Variants in MTR observed in about 807,000 individuals in gnomAD.
The protein encoded by MTR is 5-methyltetrahydrofolate-homocysteine methyltransferase.
A neutral mutation model predicts 154.8 loss-of-function variants in MTR; 84 were observed. The ratio of observed to expected loss-of-function variants is 0.54; its 90% CI spans 0.45 to 0.65. MTR has a LOEUF of 0.65. MTR is among the 30% of genes least tolerant of loss of function. The pLI is 0.00. For synonymous variants in MTR, 554 were observed against 553.9 expected (o/e 1.00, Z 0.00); for missense variants, 1,275 against 1,570.2 (o/e 0.81, Z 3.18).
rs535713322 is a variant in MTR at position 236,903,758 on chromosome 1, T to C, written c.*6114T>C. 1 of 152,186 alleles carries C rather than the reference T, an allele frequency of 6.6e-6. No homozygotes were observed. Among genetic ancestry groups the C allele is most frequent in the Non-Finnish European group, 1.5e-5 (1 of 68,036 alleles). The allele number at this position is 152,186 out of a possible 1,614,324, so 9.4% of individuals were successfully genotyped here. ...GAAGGAACTCTGAACTCTCACAATC[T>C]TGTTTCTTCATTTCCCAGAGAGAAA... On this transcript the variant is annotated 3_prime_UTR_variant, in exon 33 of 33. Coordinates refer to ENST00000366577, the MANE Select transcript of MTR (RefSeq NM_000254.3).
intron 25 of MTR, among the ~76,000 whole-genome samples, chr1:236,881,235 C>T (rs1027665284): frequency 1.3e-5 from 2 of 152,146 alleles, no homozygotes; most frequent in African/African-American, 4.8e-5. Context: ...GTTGACCCTA[C>T]CCAAAGACAG....
intron 2 of MTR, 83 bp from the exon 3 acceptor site, chr1:236,806,061 T>C (rs2103023494): frequency 9.1e-7 from 1 of 1,098,214 alleles, no homozygotes; most frequent in South Asian, 1.3e-5. Flanking sequence ...CTGCTGATAA[T>C]GGTGGTAATG....
chr1:236,823,794 A>ACCTTTT (rs1662114539), intron 8 of MTR, among the ~76,000 whole-genome samples: 1 of 23,388 alleles, frequency 4.3e-5, no homozygotes, highest in African/African-American at 1.7e-4. Flanking sequence ...TTCAGGTCAG[A>ACCTTTT]TCTTTTTTTT....
In MTR at chr1:236,848,817, C is replaced by T. The variant is rs142820243; in HGVS notation, c.1516-1527C>T. 5.8e-4 allele frequency among the ~76,000 whole-genome samples: 89 copies of T among 152,250 alleles called. 2 individuals carry two copies. Among genetic ancestry groups the T allele is most frequent in the African/African-American group, 2.1e-3 (87 of 41,554 alleles). On this transcript the variant is annotated intron_variant, in intron 15 of 32. Transcript: ENST00000366577. ...CAAAGAAAACAGTTGAAAAAGAATA[C>T]CAAAGTAGTAAGTGATCAAAAGGCT... is the stretch of plus-strand genomic sequence containing the variant.
At position 236,903,176 on chromosome 1, in the gene MTR, G is replaced by A. The variant is rs1666995759; in HGVS notation, c.*5532G>A. 1 of 152,204 alleles carries A rather than the reference G, an allele frequency of 6.6e-6. No individual in the cohort carries two copies. The highest frequency in any genetic ancestry group is 2.4e-5 in the African/African-American group (1 of 41,458). 9.4% of individuals were successfully genotyped at this position (152,204 alleles called of 1,614,324 possible). A position where few individuals can be genotyped will look rare whatever the true frequency, so the allele number is the denominator to read the frequency against. ...TAAGAGGATACACAGAAATTTTTAA[G>A]TGGTTACCTCCACGGAATGGGATTA... is the stretch of plus-strand genomic sequence containing the variant. On this transcript the variant is annotated 3_prime_UTR_variant, in exon 33 of 33. Transcript: ENST00000366577.
At chr1:236,893,850 C>T (rs1666469891) in intron 29 of MTR, among the ~76,000 whole-genome samples, 1 of 152,146 alleles carries the variant, frequency 6.6e-6, no homozygotes, top group African/African-American at 2.4e-5. Flanking sequence ...GACCCCACCC[C>T]ACATGGCAGG....
intron 15 of MTR, among the ~76,000 whole-genome samples, chr1:236,848,175 TC>T (rs1439330377): frequency 6.6e-6 from 1 of 152,100 alleles, no homozygotes; most frequent in Non-Finnish European, 1.5e-5. Flanking sequence ...AGAAATGAAT[TC>T]CTGTCCTGTG....
rs2147969543 is a variant in MTR, at chr1:236,898,630, G to A, written c.*986G>A. On this transcript the variant is annotated 3_prime_UTR_variant, in exon 33 of 33. Coordinates refer to ENST00000366577, the MANE Select transcript of MTR (RefSeq NM_000254.3). ...GGATTTCACTGTGTTAGCCAGGATG[G>A]TCTTGATCTCCCGACCTCGTGATCT... 6.6e-6 allele frequency: 1 copy of A among 152,178 alleles called. No individual in the cohort carries two copies. Among genetic ancestry groups the A allele is most frequent in the Non-Finnish European group, 1.5e-5 (1 of 68,030 alleles). 9.4% of individuals were successfully genotyped at this position (152,178 alleles called of 1,614,324 possible).
At chr1:236,861,426 G>A in intron 20 of MTR, 149 bp downstream of exon 20, 1 of 1,223,184 alleles carries the variant, frequency 8.2e-7, no homozygotes, top group South Asian at 1.3e-5. Flanking sequence ...ATGTTTAGGA[G>A]TCATGTCTGC....
Position 236,900,235 on chromosome 1 carries a change from G to T in MTR, c.*2591G>T. ...ATTCTACGGGATATTATTCAGTAGT[G>T]GAAATGAGTGAACTACAGCTATACC... On this transcript the variant is annotated 3_prime_UTR_variant, in exon 33 of 33. Transcript: ENST00000366577. 3.2e-6 allele frequency: 1 copy of T among 314,826 alleles called. No homozygotes were observed. 19.5% of individuals were successfully genotyped at this position (314,826 alleles called of 1,614,324 possible). A position where few individuals can be genotyped will look rare whatever the true frequency, so the allele number is the denominator to read the frequency against.
chr1:236,809,573 C>T (rs1417289525), intron 4 of MTR, among the ~76,000 whole-genome samples: 1 of 152,188 alleles, frequency 6.6e-6, no homozygotes, highest in African/African-American at 2.4e-5. Flanking sequence ...GACTATTACT[C>T]CAACAGAGTC....
intron 18 of MTR, among the ~76,000 whole-genome samples, chr1:236,858,636 G>A (rs1572276065): frequency 1.3e-5 from 2 of 152,202 alleles, no homozygotes; most frequent in East Asian, 1.9e-4. Context: ...ATGATTCTGG[G>A]CTGTGGAGAC....
intron 28 of MTR, 89 bp downstream of exon 28, chr1:236,889,425 A>T: frequency 1.3e-6 from 2 of 1,560,734 alleles, no homozygotes; most frequent in South Asian, 2.2e-5. Flanking sequence ...GGAGCAGTGG[A>T]TTTGGATTGT....
chr1:236,846,519 T>C (rs1433323901), intron 15 of MTR, among the ~76,000 whole-genome samples: 1 of 152,244 alleles, frequency 6.6e-6, no homozygotes, highest in East Asian at 1.9e-4. Context: ...TTTCTAATTA[T>C]GGAGAACCAT....
At chr1:236,843,893 A>G (rs1663409064) in intron 15 of MTR, among the ~76,000 whole-genome samples, 1 of 152,160 alleles carries the variant, frequency 6.6e-6, no homozygotes, top group Admixed American at 6.5e-5. Flanking sequence ...GGGTATGTCG[A>G]GTGTGCAGTT....
chr1:236,878,618 C>A (rs3768144), intron 24 of MTR, among the ~76,000 whole-genome samples: 103,859 of 151,028 alleles, frequency 0.69, 36,165 homozygotes, highest in East Asian at 0.82. Context: ...TGAACTGAAA[C>A]AAAAAAAATC....
chr1:236,813,733 C>T (rs997235551), intron 6 of MTR, among the ~76,000 whole-genome samples: 2 of 151,960 alleles, frequency 1.3e-5, no homozygotes, highest in African/African-American at 4.8e-5. Flanking sequence ...AAAATTGAGT[C>T]CTTTACTGAG....
intron 4 of MTR, among the ~76,000 whole-genome samples, chr1:236,809,321 G>T (rs1010471854): frequency 6.6e-6 from 1 of 152,222 alleles, no homozygotes; most frequent in Admixed American, 6.5e-5. Context: ...TTGAAAAGTG[G>T]CTCCTGAAAT....
chr1:236,865,242 G>A (rs966153542), intron 22 of MTR, among the ~76,000 whole-genome samples: 7 of 152,240 alleles, frequency 4.6e-5, no homozygotes, highest in African/African-American at 1.7e-4. Flanking sequence ...AGTCTAACTG[G>A]AGAAACACTT....
Sources: gnomAD v4.1 joint callset for allele counts (sites outside exome capture counted in the v4.1 genomes callset) on GRCh38, gnomAD v4.1.1 for gene constraint, MANE v1.5 for transcripts, NCBI Gene and HGNC (gene_info 2026-07-23, HGNC 2026-07-21) for gene names.